Variants in SLC22A25 observed in about 807,000 individuals in gnomAD.
The protein encoded by SLC22A25 is MGI:2442751, MGI:2385316, MGI:3042283, MGI:3645714, MGI:3605624, MGI:2442750.
In SLC22A25, 44 loss-of-function variants were observed where a neutral mutation model predicts 45.9. That is an observed-to-expected ratio of 0.96 (90% CI 0.75 to 1.23). The LOEUF (loss-of-function observed/expected upper bound fraction) is 1.23. SLC22A25 is among the 50% of genes most tolerant of loss of function. The pLI, the probability that SLC22A25 is intolerant of heterozygous loss-of-function variation, is 0.00. For synonymous variants in SLC22A25, 283 were observed against 238.6 expected (o/e 1.19, Z -1.72); for missense variants, 800 against 666.4 (o/e 1.20, Z -2.21).
Position 63,166,241 on chromosome 11 carries a change from G to A in SLC22A25, c.1088C>T (p.Pro363Leu), listed in dbSNP as rs1010564260. 2 of 1,613,906 alleles carry A rather than the reference G, an allele frequency of 1.2e-6. No individual in the cohort carries two copies. Among genetic ancestry groups the A allele is most frequent in the Non-Finnish European group, 8.5e-7 (1 of 1,179,904 alleles). Residue 363 changes from proline (P) to leucine (L), a missense_variant, in exon 10 of 12, where the codon CCT becomes CTT. Pro to Leu is a moderately conservative substitution (Grantham distance 98). Coordinates refer to ENST00000306494, the MANE Select transcript of SLC22A25 (RefSeq NM_199352.6). ...LSFVRFASTI[P>L]FWGLTLHLQH... ...GAGGTGCAAAGTAAGGCCCCAAAAA[G>A]GGATGGTACTTGCAAATCTGCAGGG...
At chr11:63,195,603 C>G (rs542634041) in intron 7 of SLC22A25, among the ~76,000 whole-genome samples, 8 of 152,050 alleles carry the variant, frequency 5.3e-5, no homozygotes, top group East Asian at 1.9e-4. Context: ...ACATTCAAAG[C>G]AGTGTGTAGA....
chr11:63,220,165 A>T, intron 5 of SLC22A25: 10 of 389,870 alleles, frequency 2.6e-5, no homozygotes, highest in South Asian at 2.1e-4. Context: ...TTTTGCAAAG[A>T]CAAAAAAAAT....
At chr11:63,180,423 C>CA (rs1356807387) in intron 9 of SLC22A25, among the ~76,000 whole-genome samples, 2 of 152,142 alleles carry the variant, frequency 1.3e-5, no homozygotes, top group Non-Finnish European at 2.9e-5. Flanking sequence ...AAGTTCTTAG[C>CA]ATAAGTCTCC....
chr11:63,205,723 G>T (rs1163353987), intron 7 of SLC22A25, among the ~76,000 whole-genome samples: 1 of 152,106 alleles, frequency 6.6e-6, no homozygotes, highest in Non-Finnish European at 1.5e-5. Context: ...TCTACCAGAG[G>T]TACAAAGAGA....
At chr11:63,184,161 T>A (rs1590811197) in intron 7 of SLC22A25, among the ~76,000 whole-genome samples, 3 of 152,268 alleles carry the variant, frequency 2.0e-5, no homozygotes, top group Admixed American at 1.3e-4. Flanking sequence ...CTATTCATAA[T>A]GTGTTCTTTT....
intron 7 of SLC22A25, among the ~76,000 whole-genome samples, chr11:63,207,432 A>G (rs758227662): frequency 3.9e-5 from 6 of 152,172 alleles, no homozygotes; most frequent in Non-Finnish European, 8.8e-5. Context: ...AGAAAAAAAT[A>G]CTCCATCAAA....
intron 9 of SLC22A25, among the ~76,000 whole-genome samples, chr11:63,177,864 A>ATATATATATATAATGTATATATATAATAT (rs373414293): frequency 3.2e-5 from 1 of 31,082 alleles, no homozygotes; most frequent in Non-Finnish European, 7.3e-5. Context: ...GTATATATAT[A>ATATATATATATAATGTATATATATAATAT]ATATATATAA....
In SLC22A25 at chr11:63,159,884, G is replaced by A. The variant is rs1329899001; in HGVS notation, c.*3940C>T. On this transcript the variant is annotated 3_prime_UTR_variant, in exon 12 of 12. Coordinates refer to ENST00000306494, the MANE Select transcript of SLC22A25 (RefSeq NM_199352.6). Reference sequence around the variant, plus strand: ...GGTAACTGGAGTAAAGGTGACTCTTGCTATATTTTAGTAAAGAGACTGGCA... The same window carrying A: ...GGTAACTGGAGTAAAGGTGACTCTTACTATATTTTAGTAAAGAGACTGGCA... 1.3e-5 allele frequency among the ~76,000 whole-genome samples: 2 copies of A among 152,184 alleles called. No individual in the cohort carries two copies. Among genetic ancestry groups the A allele is most frequent in the African/African-American group, 4.8e-5 (2 of 41,450 alleles).
At chr11:63,190,045 G>T (rs2088738317) in intron 7 of SLC22A25, among the ~76,000 whole-genome samples, 2 of 152,142 alleles carry the variant, frequency 1.3e-5, no homozygotes, top group South Asian at 2.1e-4. Context: ...TTCTTGAGGA[G>T]TATCTTTGTG....
intron 7 of SLC22A25, among the ~76,000 whole-genome samples, chr11:63,190,026 G>C (rs2088737075): frequency 6.6e-6 from 1 of 152,084 alleles, no homozygotes; most frequent in African/African-American, 2.4e-5. Context: ...ATGTGTCTTG[G>C]AGTTGCTCTT....
At chr11:63,183,395 A>C (rs1007485397) in intron 8 of SLC22A25, among the ~76,000 whole-genome samples, 2 of 152,118 alleles carry the variant, frequency 1.3e-5, no homozygotes, top group Non-Finnish European at 2.9e-5. Flanking sequence ...GGAAGTAATG[A>C]ACTAATTTAG....
chr11:63,183,645 A>G (rs2088409426), intron 8 of SLC22A25, 49 bp downstream of exon 8: 2 of 1,609,318 alleles, frequency 1.2e-6, no homozygotes, highest in Non-Finnish European at 1.7e-6. Context: ...AGTATAGATG[A>G]CAATTTATGT....
Position 63,214,874 on chromosome 11 carries a change from C to T in SLC22A25, c.830+2440G>A, listed in dbSNP as rs116846699. On this transcript the variant is annotated intron_variant, in intron 7 of 11. Coordinates refer to ENST00000306494, the MANE Select transcript of SLC22A25 (RefSeq NM_199352.6). ...CCCATCAGTCTCTCTGATTCCTTAA[C>T]AATCCCACAACAATCTCACATCAGT... is the stretch of plus-strand genomic sequence containing the variant. Among the ~76,000 whole-genome samples, 18 of 152,182 alleles carry T rather than the reference C, an allele frequency of 1.2e-4. 1 individual carries two copies. In the East Asian group the frequency reaches 3.3e-3, roughly 28 times the overall value.
Position 63,229,487 on chromosome 11 carries a change from T to C in SLC22A25, c.166A>G (p.Asn56Asp), listed in dbSNP as rs1271846528. ...DHRCWVHILD[N>D]DTIPDNDPGT... Reference sequence around the variant, plus strand: ...GGGTCATTGTCAGGGATAGTGTCATTGTCCAGTATATGAACCCAGCAGCGA... The same window carrying C: ...GGGTCATTGTCAGGGATAGTGTCATCGTCCAGTATATGAACCCAGCAGCGA... Residue 56 changes from asparagine (N) to aspartate (D), a missense_variant, in exon 4 of 12, where the codon AAT becomes GAT. Transcript: ENST00000306494. 1 of 1,614,154 alleles carries C rather than the reference T, an allele frequency of 6.2e-7. No homozygotes were observed.
intron 3 of SLC22A25, among the ~76,000 whole-genome samples, chr11:63,231,436 G>A (rs568572447): frequency 9.8e-5 from 15 of 152,290 alleles, no homozygotes; most frequent in South Asian, 8.3e-4. Context: ...TCTTTTGACT[G>A]CATAAATGTC....
chr11:63,166,797 C>A, intron 9 of SLC22A25: 1 of 983,844 alleles, frequency 1.0e-6, no homozygotes, highest in African/African-American at 1.7e-5. Flanking sequence ...AATAAGAAAA[C>A]CTATTTTTAT....
At chr11:63,190,013 A>G (rs987918714) in intron 7 of SLC22A25, among the ~76,000 whole-genome samples, 18 of 152,144 alleles carry the variant, frequency 1.2e-4, no homozygotes, top group African/African-American at 4.3e-4. Flanking sequence ...GAATCTGACA[A>G]TTATGTGTCT....
chr11:63,212,123 G>A (rs868320150), intron 7 of SLC22A25, among the ~76,000 whole-genome samples: 159 of 151,538 alleles, frequency 1.0e-3, no homozygotes, highest in Middle Eastern at 3.4e-3. Flanking sequence ...ATGAGATACC[G>A]TCTCACACCA....
At position 63,163,757 on chromosome 11, in the gene SLC22A25, A is replaced by C; in HGVS notation, c.*67T>G. 1 of 1,538,006 alleles carries C rather than the reference A, an allele frequency of 6.5e-7. No homozygotes were observed. The highest frequency in any genetic ancestry group is 1.3e-5 in the South Asian group (1 of 76,696). On this transcript the variant is annotated 3_prime_UTR_variant, in exon 12 of 12. Transcript: ENST00000306494. ...GCAAAGGCACTGACTACATGGGAAT[A>C]GCCCAGATCTAAGCCTTTTTGGGGG...
Sources: allele counts gnomAD v4.1 joint callset (sites outside exome capture counted in the v4.1 genomes callset), GRCh38; gene constraint gnomAD v4.1.1; transcripts MANE v1.5; gene names NCBI Gene and HGNC (gene_info 2026-07-23, HGNC 2026-07-21).